The following PRKN variants were observed in gnomAD, a reference collection of about 807,000 sequenced individuals.
The protein encoded by PRKN is parkin RBR E3 ubiquitin protein ligase.
Under a neutral mutation model 59.5 loss-of-function variants are expected in PRKN, and 56 were observed. The ratio of observed to expected loss-of-function variants is 0.94; its 90% CI spans 0.76 to 1.18. The LOEUF (loss-of-function observed/expected upper bound fraction) is 1.18, where lower values mean the gene tolerates loss of function less well. Ranked by LOEUF, PRKN falls within the 50% of genes most tolerant of loss-of-function variation. The pLI is 0.00. For missense variants in PRKN, 657 were observed against 596.4 expected, an observed-to-expected ratio of 1.10 and a Z score of -1.06; for synonymous variants, 250 against 222.1, an observed-to-expected ratio of 1.13 and a Z score of -1.12.
chr6:162,194,707 T>C (rs932244701), intron 4 of PRKN, among the ~76,000 whole-genome samples: 1 of 152,194 alleles, frequency 6.6e-6, no homozygotes, highest in African/African-American at 2.4e-5. Flanking sequence ...ATGTTTATTT[T>C]TATATGTTTA....
chr6:161,977,373 T>C (rs187747121), intron 5 of PRKN, among the ~76,000 whole-genome samples: 15 of 152,108 alleles, frequency 9.9e-5, no homozygotes, highest in Admixed American at 9.8e-4. Flanking sequence ...TGGTTTTGCA[T>C]CACAAATGAG....
chr6:162,560,358 C>A (rs1779784710), intron 1 of PRKN, among the ~76,000 whole-genome samples: 1 of 152,048 alleles, frequency 6.6e-6, no homozygotes, highest in Non-Finnish European at 1.5e-5. Flanking sequence ...ACATCAATTA[C>A]CTATAAGTTT....
At chr6:162,661,055 A>G (rs1451861942) in intron 1 of PRKN, among the ~76,000 whole-genome samples, 1 of 152,162 alleles carries the variant, frequency 6.6e-6, no homozygotes, top group Non-Finnish European at 1.5e-5. Flanking sequence ...TGAGGTCAGG[A>G]GTTCAAGATA....
chr6:161,614,750 A>T (rs2128148130), intron 7 of PRKN, among the ~76,000 whole-genome samples: 1 of 152,374 alleles, frequency 6.6e-6, no homozygotes, highest in South Asian at 2.1e-4. Flanking sequence ...AGGTGGCAGA[A>T]ATCAAATGAC....
At position 162,165,726 on chromosome 6, in the gene PRKN, C is replaced by T. The variant is rs1253402833; in HGVS notation, c.534+35405G>A. ...ATGTTAATGCACAACTATCTGTCAG[C>T]CCAGCAATTCCACTGCAGGACATTT... On this transcript the variant is annotated intron_variant, in intron 4 of 11. Coordinates refer to ENST00000366898, the MANE Select transcript of PRKN (RefSeq NM_004562.3). Among the ~76,000 whole-genome samples, 3 of 148,530 alleles carry T rather than the reference C, an allele frequency of 2.0e-5. 1 individual carries two copies. The highest frequency in any genetic ancestry group is 7.6e-5 in the African/African-American group (3 of 39,350).
chr6:162,637,996 C>G (rs1777796803), intron 1 of PRKN, among the ~76,000 whole-genome samples: 1 of 152,054 alleles, frequency 6.6e-6, no homozygotes, highest in South Asian at 2.1e-4. Flanking sequence ...ACTGTCAATC[C>G]TACAATATAA....
chr6:162,564,170 C>T (rs1779963827), intron 1 of PRKN, among the ~76,000 whole-genome samples: 1 of 151,850 alleles, frequency 6.6e-6, no homozygotes, highest in African/African-American at 2.4e-5. Flanking sequence ...CATGGTGAAA[C>T]CCCGTCTCTA....
rs1316148369 is a variant in PRKN, at chr6:161,552,095, C to T, written c.934-3092G>A. On this transcript the variant is annotated intron_variant, in intron 8 of 11. Transcript: ENST00000366898. The surrounding 1 kb of genome is among the most constrained non-coding windows in gnomAD (Gnocchi z 4.9). ...ACTGCTGGGCGGCACCCAGGCCCTC[C>T]TGAGGTCAGAGATGATGAATTTAAA... is the stretch of plus-strand genomic sequence containing the variant. Among the ~76,000 whole-genome samples the T allele has an allele frequency of 6.6e-6, 1 of 152,170 alleles. No homozygotes were observed. The highest frequency in any genetic ancestry group is 1.9e-4 in the East Asian group (1 of 5,192).
chr6:162,668,150 G>T (rs1410758659), intron 1 of PRKN, among the ~76,000 whole-genome samples: 2 of 152,206 alleles, frequency 1.3e-5, no homozygotes, highest in Non-Finnish European at 2.9e-5. Flanking sequence ...AAGTAAGGAA[G>T]CAGATATATC....
chr6:161,787,715 G>A (rs2128207152), intron 6 of PRKN, among the ~76,000 whole-genome samples: 1 of 152,330 alleles, frequency 6.6e-6, no homozygotes, highest in Non-Finnish European at 1.5e-5. Context: ...GGGAGGCTGA[G>A]GCAGGCGGAT....
rs533342103 is a variant in PRKN at position 161,533,858 on chromosome 6, C to T, written c.1083+14996G>A. On this transcript the variant is annotated intron_variant, in intron 9 of 11. Transcript: ENST00000366898. This position sits in a 1 kb window ranked among gnomAD's most constrained non-coding sequence, Gnocchi z 4.1. ...AGGAACCCTGGGGATTTACCCTAGA[C>T]TACGATGCTGCTTCACTAGTAGGAA... Among the ~76,000 whole-genome samples the T allele has an allele frequency of 4.7e-4, 72 of 152,248 alleles. No individual in the cohort carries two copies. The highest frequency in any genetic ancestry group is 3.4e-3 in the Middle Eastern group (1 of 294).
intron 2 of PRKN, among the ~76,000 whole-genome samples, chr6:162,338,592 C>T (rs549784862): frequency 8.5e-5 from 13 of 152,190 alleles, no homozygotes; most frequent in East Asian, 5.8e-4. Flanking sequence ...GGCGTGATCT[C>T]GGCTCACTAC....
intron 7 of PRKN, among the ~76,000 whole-genome samples, chr6:161,650,314 C>T (rs1784105711): frequency 6.6e-6 from 1 of 152,122 alleles, no homozygotes; most frequent in Non-Finnish European, 1.5e-5. Flanking sequence ...AGATAAGGTG[C>T]TTTGTTACGA....
At chr6:162,533,656 T>C (rs1562363220) in intron 1 of PRKN, among the ~76,000 whole-genome samples, 2 of 152,070 alleles carry the variant, frequency 1.3e-5, no homozygotes, top group Admixed American at 6.6e-5. Flanking sequence ...CCAAAATACT[T>C]TGTCTGAGCA....
chr6:162,362,766 T>G (rs1785208666), intron 2 of PRKN, among the ~76,000 whole-genome samples: 1 of 152,050 alleles, frequency 6.6e-6, no homozygotes, highest in Non-Finnish European at 1.5e-5. Context: ...GGAAGCCTCC[T>G]CTAGCCCAGA....
At chr6:162,392,421 C>A (rs1787247532) in intron 2 of PRKN, among the ~76,000 whole-genome samples, 1 of 152,158 alleles carries the variant, frequency 6.6e-6, no homozygotes, top group Non-Finnish European at 1.5e-5. Flanking sequence ...CAAGCTGGTG[C>A]ACCAGCTTGC....
intron 6 of PRKN, among the ~76,000 whole-genome samples, chr6:161,867,944 A>G (rs1794190091): frequency 6.6e-6 from 1 of 151,706 alleles, no homozygotes; most frequent in Non-Finnish European, 1.5e-5. Context: ...TATTTTTAGT[A>G]GAGACGAGGT....
intron 1 of PRKN, among the ~76,000 whole-genome samples, chr6:162,619,824 G>A (rs1297764655): frequency 6.6e-6 from 1 of 152,038 alleles, no homozygotes; most frequent in Non-Finnish European, 1.5e-5. Flanking sequence ...ACTAAGCAAT[G>A]TATGATGGAC....
chr6:162,597,347 T>G (rs1781530951), intron 1 of PRKN, among the ~76,000 whole-genome samples: 1 of 152,198 alleles, frequency 6.6e-6, no homozygotes, highest in Non-Finnish European at 1.5e-5. Flanking sequence ...ACTTTAAACT[T>G]TTCTACTATT....
Sources: gnomAD v4.1 joint callset for allele counts (sites outside exome capture counted in the v4.1 genomes callset) on GRCh38, gnomAD v4.1.1 for gene constraint, Gnocchi (gnomAD v3.1) non-coding constraint, MANE v1.5 for transcripts, NCBI Gene and HGNC (gene_info 2026-07-23, HGNC 2026-07-21) for gene names.